Variants in FHIT observed in about 807,000 individuals in gnomAD.
FHIT encodes the protein bis(5'-adenosyl)-triphosphatase.
Under a neutral mutation model 17.9 loss-of-function variants are expected in FHIT, and 19 were observed. That is an observed-to-expected ratio of 1.06 (90% CI 0.74 to 1.56). The LOEUF (loss-of-function observed/expected upper bound fraction) is 1.56. Among genes scored for constraint, FHIT ranks in the 40% most tolerant of loss-of-function variants. FHIT has a pLI of 0.00. For missense variants in FHIT, 248 were observed against 189.2 expected, an observed-to-expected ratio of 1.31 and a Z score of -1.82; for synonymous variants, 81 against 69.7, an observed-to-expected ratio of 1.16 and a Z score of -0.81.
Position 60,066,630 on chromosome 3 carries a change from A to ATTTTTTT in FHIT, c.104-52485_104-52479dup, listed in dbSNP as rs71089574. On this transcript the variant is annotated intron_variant, in intron 5 of 9. Transcript: ENST00000492590. ...ATAGGTTGATTTTAATCCCTGACAA[A>ATTTTTTT]TTTTTTTTTTTTTTTTTTTTTTTTT... 2.0e-3 allele frequency among the ~76,000 whole-genome samples: 105 copies of ATTTTTTT among 51,416 alleles called. 12 individuals carry two copies. Among genetic ancestry groups the ATTTTTTT allele is most frequent in the Non-Finnish European group, 3.0e-3 (83 of 27,690 alleles). 33.7% of individuals were successfully genotyped at this position (51,416 alleles called of 152,430 possible). A position where few individuals can be genotyped will look rare whatever the true frequency, so the allele number is the denominator to read the frequency against.
At chr3:60,500,243 G>A (rs956205907) in intron 5 of FHIT, among the ~76,000 whole-genome samples, 3 of 152,198 alleles carry the variant, frequency 2.0e-5, no homozygotes, top group African/African-American at 7.2e-5. Flanking sequence ...GAATGGCCTA[G>A]TGGTGTAGTT....
rs548420690 is a variant in FHIT, at chr3:59,968,369, G to C, written c.279+43002C>G. ...AGAAACCTATATGAACTTTAAGGTG[G>C]TCAGAAAGCTCAGCTCTACTTAAGA... On this transcript the variant is annotated intron_variant, in intron 7 of 9. Transcript: ENST00000492590. Among the ~76,000 whole-genome samples, 139 of 152,092 alleles carry C rather than the reference G, an allele frequency of 9.1e-4. 1 individual carries two copies. The highest frequency in any genetic ancestry group is 3.3e-3 in the African/African-American group (136 of 41,500).
intron 4 of FHIT, among the ~76,000 whole-genome samples, chr3:60,648,132 T>A (rs1320986948): frequency 3.3e-5 from 5 of 151,598 alleles, no homozygotes; most frequent in East Asian, 3.9e-4. Context: ...GGGTGGGGAG[T>A]CAGGGAGTGG....
chr3:60,885,721 C>T (rs766187353), intron 3 of FHIT, among the ~76,000 whole-genome samples: 1 of 152,144 alleles, frequency 6.6e-6, no homozygotes, highest in East Asian at 1.9e-4. Context: ...ATTATGGCAA[C>T]AAGTCTTTTA....
At chr3:60,077,177 C>G (rs988835488) in intron 5 of FHIT, among the ~76,000 whole-genome samples, 1 of 151,770 alleles carries the variant, frequency 6.6e-6, no homozygotes, top group Non-Finnish European at 1.5e-5. Flanking sequence ...AAGAGAGCAG[C>G]CTAAGGAGGA....
chr3:60,757,369 G>A (rs1360783282), intron 4 of FHIT, among the ~76,000 whole-genome samples: 2 of 152,164 alleles, frequency 1.3e-5, no homozygotes, highest in African/African-American at 4.8e-5. Context: ...ACAAAGCAAT[G>A]GCAACAGAGA....
At chr3:60,407,469 C>CAA (rs1332704166) in intron 5 of FHIT, among the ~76,000 whole-genome samples, 1 of 152,054 alleles carries the variant, frequency 6.6e-6, no homozygotes, top group Non-Finnish European at 1.5e-5. Flanking sequence ...GAAATATAGG[C>CAA]AAGTTTAGAT....
intron 3 of FHIT, among the ~76,000 whole-genome samples, chr3:61,013,645 G>A (rs996937517): frequency 6.6e-6 from 1 of 152,148 alleles, no homozygotes; most frequent in Non-Finnish European, 1.5e-5. Flanking sequence ...GAAAAAAGAG[G>A]AGGTGATGAA....
chr3:60,242,444 C>G (rs1448129098), intron 5 of FHIT, among the ~76,000 whole-genome samples: 1 of 152,038 alleles, frequency 6.6e-6, no homozygotes, highest in Non-Finnish European at 1.5e-5. Flanking sequence ...TATTTCCAGG[C>G]ATGTTCTATA....
At chr3:60,989,806 A>G (rs1349516899) in intron 3 of FHIT, among the ~76,000 whole-genome samples, 1 of 152,210 alleles carries the variant, frequency 6.6e-6, no homozygotes, top group African/African-American at 2.4e-5. Flanking sequence ...CAGTGGAAGT[A>G]ATATCATTAC....
chr3:60,531,832 T>A (rs2035798635), intron 5 of FHIT, among the ~76,000 whole-genome samples: 1 of 152,238 alleles, frequency 6.6e-6, no homozygotes, highest in South Asian at 2.1e-4. Context: ...GGGGGAAACT[T>A]AACATTGCTC....
chr3:59,780,714 A>G (rs1702546064), intron 8 of FHIT, among the ~76,000 whole-genome samples: 2 of 152,210 alleles, frequency 1.3e-5, no homozygotes, highest in African/African-American at 4.8e-5. Context: ...ATGTGAGGAT[A>G]CCTCAAGAAG....
intron 3 of FHIT, among the ~76,000 whole-genome samples, chr3:60,964,028 G>A (rs782580669): frequency 1.3e-5 from 2 of 152,158 alleles, no homozygotes; most frequent in Non-Finnish European, 2.9e-5. Context: ...GTTGCCAGTG[G>A]AGTGTTAAAG....
intron 4 of FHIT, among the ~76,000 whole-genome samples, chr3:60,589,645 G>A (rs1348086735): frequency 1.3e-5 from 2 of 152,066 alleles, no homozygotes; most frequent in Non-Finnish European, 2.9e-5. Context: ...AAAATGGCAA[G>A]GGCAAAGGAT....
intron 7 of FHIT, among the ~76,000 whole-genome samples, chr3:59,936,832 T>A (rs1164392721): frequency 6.6e-6 from 1 of 152,124 alleles, no homozygotes; most frequent in Non-Finnish European, 1.5e-5. Context: ...ACTACTGTGG[T>A]TTTTGCCTCT....
intron 4 of FHIT, among the ~76,000 whole-genome samples, chr3:60,592,548 A>C (rs2038122954): frequency 6.6e-6 from 1 of 152,002 alleles, no homozygotes; most frequent in South Asian, 2.1e-4. Flanking sequence ...GATGGTTCTT[A>C]TTCTCCTAGC....
chr3:60,915,074 T>A (rs1299806847), intron 3 of FHIT, among the ~76,000 whole-genome samples: 9 of 152,244 alleles, frequency 5.9e-5, no homozygotes, highest in East Asian at 1.9e-4. Flanking sequence ...GATTCATGTA[T>A]AATGACTTGG....
chr3:60,037,720 CT>C (rs34077326), intron 5 of FHIT, among the ~76,000 whole-genome samples: 2 of 146,042 alleles, frequency 1.4e-5, no homozygotes, highest in Admixed American at 6.8e-5. Context: ...CTCAGAACTA[CT>C]TTTTTTTTTT....
At chr3:60,391,254 G>C (rs1034767143) in intron 5 of FHIT, among the ~76,000 whole-genome samples, 7 of 152,032 alleles carry the variant, frequency 4.6e-5, no homozygotes, top group African/African-American at 1.4e-4. Flanking sequence ...AATAAGCTGA[G>C]ATTATTGAAG....
Sources: allele counts gnomAD v4.1 joint callset (sites outside exome capture counted in the v4.1 genomes callset), GRCh38; gene constraint gnomAD v4.1.1; transcripts MANE v1.5; gene names NCBI Gene and HGNC (gene_info 2026-07-23, HGNC 2026-07-21).